The following SMAD3 variants were observed in gnomAD, a reference collection of about 807,000 sequenced individuals.
SMAD3 encodes SMAD family member 3, also known as MAD homolog 3.
Under a neutral mutation model 51.8 loss-of-function variants are expected in SMAD3, and 12 were observed. The ratio of observed to expected loss-of-function variants is 0.23; its 90% CI spans 0.15 to 0.38. The LOEUF (loss-of-function observed/expected upper bound fraction) is 0.38. Ranked by LOEUF, SMAD3 falls within the 10% of genes least tolerant of loss-of-function variation. SMAD3 has a pLI of 1.00. For missense variants in SMAD3, 294 were observed against 565.6 expected, an observed-to-expected ratio of 0.52 and a Z score of 4.87; for synonymous variants, 238 against 227.7, an observed-to-expected ratio of 1.05 and a Z score of -0.41.
At chr15:67,113,136 T>C (rs1961058693) in intron 1 of SMAD3, among the ~76,000 whole-genome samples, 1 of 114,896 alleles carries the variant, frequency 8.7e-6, no homozygotes, top group Admixed American at 1.1e-4. Flanking sequence ...CAGGCTGGAG[T>C]GCAGTAGTGC....
At chr15:67,141,732 C>G (rs1378354946) in intron 1 of SMAD3, among the ~76,000 whole-genome samples, 2 of 152,120 alleles carry the variant, frequency 1.3e-5, no homozygotes, top group African/African-American at 4.8e-5. Context: ...TTTTCATTAC[C>G]TGGAAAGTCC....
At chr15:67,159,574 A>G (rs925315399) in intron 1 of SMAD3, among the ~76,000 whole-genome samples, 1 of 152,172 alleles carries the variant, frequency 6.6e-6, no homozygotes. Context: ...GTATATACCT[A>G]TGAAACCACC....
At chr15:67,120,930 A>G (rs1961245120) in intron 1 of SMAD3, among the ~76,000 whole-genome samples, 1 of 151,796 alleles carries the variant, frequency 6.6e-6, no homozygotes, top group African/African-American at 2.4e-5. Context: ...CAAGATGACG[A>G]CTCTTCCATC....
intron 1 of SMAD3, among the ~76,000 whole-genome samples, chr15:67,082,266 C>T (rs1877909749): frequency 6.6e-6 from 1 of 152,142 alleles, no homozygotes; most frequent in African/African-American, 2.4e-5. Flanking sequence ...GGGGGACTGT[C>T]TGGGCCTCTG....
intron 7 of SMAD3, among the ~76,000 whole-genome samples, chr15:67,185,553 A>T (rs1963203075): frequency 6.6e-6 from 1 of 152,120 alleles, no homozygotes; most frequent in Admixed American, 6.5e-5. Context: ...TTTCAAAAGC[A>T]CAACAGCATG....
chr15:67,161,398 G>A (rs919075638), intron 1 of SMAD3, among the ~76,000 whole-genome samples: 1 of 152,168 alleles, frequency 6.6e-6, no homozygotes, highest in Non-Finnish European at 1.5e-5. Context: ...AGGCAAGAGG[G>A]CCACCCACTT....
chr15:67,136,055 C>G (rs961138595), intron 1 of SMAD3, among the ~76,000 whole-genome samples: 6 of 152,084 alleles, frequency 3.9e-5, no homozygotes, highest in Non-Finnish European at 5.9e-5. Context: ...GCCAAATAAC[C>G]CCACTGCAAT....
At chr15:67,175,353 A>G (rs531037100) in intron 5 of SMAD3, among the ~76,000 whole-genome samples, 1 of 152,096 alleles carries the variant, frequency 6.6e-6, no homozygotes, top group Non-Finnish European at 1.5e-5. Flanking sequence ...TGAGAGGGAT[A>G]GGGCAGCTTG....
intron 3 of SMAD3, 33 bp from the exon 4 acceptor site, chr15:67,166,746 C>T (rs772344202): frequency 1.3e-6 from 2 of 1,516,280 alleles, no homozygotes; most frequent in East Asian, 4.7e-5. Flanking sequence ...CTGTGAAGGC[C>T]TTTTAACAGA....
rs774268232 is a variant in SMAD3 at position 67,165,246 on chromosome 15, C to T, written c.401-7C>T. The T allele has an allele frequency of 2.6e-5, 42 of 1,614,074 alleles. No homozygotes were observed. The highest frequency in any genetic ancestry group is 1.5e-4 in the Admixed American group (9 of 60,006). On this transcript the variant is annotated splice_region_variant and splice_polypyrimidine_tract_variant and intron_variant, in intron 2 of 8. Coordinates refer to ENST00000327367, the MANE Select transcript of SMAD3 (RefSeq NM_005902.4). ...TGAGCCACCTCTGCTCTGTCTCCCCCGGACAGTTCTACCTCCTGTGTTGGT... is the reference window on the plus strand; with the variant it reads ...TGAGCCACCTCTGCTCTGTCTCCCCTGGACAGTTCTACCTCCTGTGTTGGT...
chr15:67,072,171 A>G (rs1434966418), intron 1 of SMAD3, among the ~76,000 whole-genome samples: 2 of 152,208 alleles, frequency 1.3e-5, no homozygotes, highest in Admixed American at 1.3e-4. Context: ...TAATGTAAAC[A>G]TGTGATTGCT....
intron 3 of SMAD3, 163 bp from the exon 4 acceptor site, chr15:67,166,616 G>T: frequency 1.5e-6 from 1 of 688,464 alleles, no homozygotes; most frequent in Admixed American, 2.1e-5. Flanking sequence ...GGACAGGGGC[G>T]AGGACAACAG....
At chr15:67,097,048 T>G (rs563158423) in intron 1 of SMAD3, among the ~76,000 whole-genome samples, 30 of 152,224 alleles carry the variant, frequency 2.0e-4, no homozygotes, top group Non-Finnish European at 4.1e-4. Context: ...CTAGTTTGAC[T>G]CTTAACTCAG....
At position 67,066,014 on chromosome 15, in the gene SMAD3, C is replaced by T. The variant is rs1566956110; in HGVS notation, c.-141C>T. On this transcript the variant is annotated 5_prime_UTR_variant, in exon 1 of 9. Transcript: ENST00000327367. Reference sequence around the variant, plus strand: ...GCAGCGCCGCGGCCCGGCCCGGCGCCCCGGCAACTTCGCCGAGAGTTGAGG... The same window carrying T: ...GCAGCGCCGCGGCCCGGCCCGGCGCTCCGGCAACTTCGCCGAGAGTTGAGG... 2 of 344,126 alleles carry T rather than the reference C, an allele frequency of 5.8e-6. No individual in the cohort carries two copies. Among genetic ancestry groups the T allele is most frequent in the Non-Finnish European group, 9.8e-6 (2 of 204,166 alleles). 21.3% of individuals were successfully genotyped at this position (344,126 alleles called of 1,614,324 possible).
intron 1 of SMAD3, among the ~76,000 whole-genome samples, chr15:67,145,611 G>A (rs2140270642): frequency 6.6e-6 from 1 of 152,308 alleles, no homozygotes; most frequent in South Asian, 2.1e-4. Flanking sequence ...GTTCGTGAAT[G>A]AAAGGTTATG....
intron 5 of SMAD3, among the ~76,000 whole-genome samples, chr15:67,176,858 A>G (rs1178553408): frequency 6.6e-6 from 1 of 152,174 alleles, no homozygotes; most frequent in Non-Finnish European, 1.5e-5. Flanking sequence ...AGAGATTAGC[A>G]CAGACTCAGA....
intron 1 of SMAD3, among the ~76,000 whole-genome samples, chr15:67,114,920 C>A (rs577944926): frequency 6.6e-6 from 1 of 152,234 alleles, no homozygotes; most frequent in South Asian, 2.1e-4. Flanking sequence ...TAATATGCCA[C>A]ACATGTTGTT....
rs1412483185 is a variant in SMAD3 at position 67,164,875 on chromosome 15, G to T, written c.207-20G>T. On this transcript the variant is annotated intron_variant, in intron 1 of 8. Coordinates refer to ENST00000327367, the MANE Select transcript of SMAD3 (RefSeq NM_005902.4). The stretch of plus-strand genomic sequence containing the variant: ...ACAATCCACATTTCCCTCTCTTTCT[G>T]CCCCTCCCCGTCCTGGCAGGTCCCT... The T allele has an allele frequency of 2.5e-6, 4 of 1,612,182 alleles. No individual in the cohort carries two copies. Among genetic ancestry groups the T allele is most frequent in the Non-Finnish European group, 3.4e-6 (4 of 1,179,800 alleles).
chr15:67,161,303 A>G (rs529183052), intron 1 of SMAD3, among the ~76,000 whole-genome samples: 8 of 152,252 alleles, frequency 5.3e-5, no homozygotes, highest in Admixed American at 1.3e-4. Context: ...TGCCATTACC[A>G]TACTGCCTTG....
Sources: gnomAD v4.1 joint callset for allele counts (sites outside exome capture counted in the v4.1 genomes callset) on GRCh38, gnomAD v4.1.1 for gene constraint, MANE v1.5 for transcripts, NCBI Gene and HGNC (gene_info 2026-07-23, HGNC 2026-07-21) for gene names.